The following FOXP1 variants were observed in gnomAD, a reference collection of about 807,000 sequenced individuals.
FOXP1 encodes the protein forkhead box P1, also known as forkhead box protein P1.
A neutral mutation model predicts 98.2 loss-of-function variants in FOXP1; 15 were observed. That is an observed-to-expected ratio of 0.15 (90% CI 0.10 to 0.24). The LOEUF (loss-of-function observed/expected upper bound fraction) is 0.24, where lower values mean the gene tolerates loss of function less well. Ranked by LOEUF, FOXP1 falls within the 10% of genes least tolerant of loss-of-function variation. The pLI, the probability that FOXP1 is intolerant of heterozygous loss-of-function variation, is 1.00. For missense variants in FOXP1, 633 were observed against 848.5 expected, an observed-to-expected ratio of 0.75 and a Z score of 3.15; for synonymous variants, 371 against 314.5, an observed-to-expected ratio of 1.18 and a Z score of -1.90.
At chr3:70,972,077 C>A in intron 18 of FOXP1, 1 of 1,518,462 alleles carries the variant, frequency 6.6e-7, no homozygotes, top group Non-Finnish European at 8.8e-7. Context: ...TTGAATATGG[C>A]GGCCACGTTT....
intron 2 of FOXP1, among the ~76,000 whole-genome samples, chr3:71,566,846 T>C (rs2046950757): frequency 6.6e-6 from 1 of 152,126 alleles, no homozygotes; most frequent in East Asian, 1.9e-4. Flanking sequence ...ATGAGAAGTG[T>C]CTCCTTGAGC....
At chr3:71,504,045 T>A (rs2041620761) in intron 2 of FOXP1, among the ~76,000 whole-genome samples, 1 of 152,190 alleles carries the variant, frequency 6.6e-6, no homozygotes, top group Non-Finnish European at 1.5e-5. Context: ...CCATCCCAGC[T>A]TTGCCAACAA....
rs55710900 is a variant in FOXP1 at position 71,416,547 on chromosome 3, A to AACACACAC, written c.-167-57311_-167-57304dup. On this transcript the variant is annotated intron_variant, in intron 3 of 20. Coordinates refer to ENST00000649528, the MANE Select transcript of FOXP1 (RefSeq NM_001349338.3). ...GCCACAGAACAAAACTCTGTCTCAA[A>AACACACAC]ACACACACACACACACACACACACA... Among the ~76,000 whole-genome samples, 38 of 136,852 alleles carry AACACACAC rather than the reference A, an allele frequency of 2.8e-4. 1 individual carries two copies. In the East Asian group the frequency reaches 2.9e-3, roughly 10 times the overall value. 89.8% of individuals were successfully genotyped at this position (136,852 alleles called of 152,430 possible).
At chr3:70,980,731 A>G (rs1255860600) in intron 14 of FOXP1, among the ~76,000 whole-genome samples, 1 of 152,218 alleles carries the variant, frequency 6.6e-6, no homozygotes, top group Non-Finnish European at 1.5e-5. Flanking sequence ...GTAACTGAGC[A>G]AATATAAGGC....
At chr3:71,067,411 T>A (rs1446908864) in intron 7 of FOXP1, among the ~76,000 whole-genome samples, 1 of 152,156 alleles carries the variant, frequency 6.6e-6, no homozygotes, top group Non-Finnish European at 1.5e-5. Flanking sequence ...GAAGACTTCG[T>A]TAAAACCATT....
intron 6 of FOXP1, among the ~76,000 whole-genome samples, chr3:71,162,456 C>A (rs1490410124): frequency 6.6e-6 from 1 of 152,176 alleles, no homozygotes; most frequent in African/African-American, 2.4e-5. Context: ...AAGGGGGAGC[C>A]AGTACCATTA....
chr3:71,416,526 C>A (rs977155086), intron 3 of FOXP1, among the ~76,000 whole-genome samples: 1 of 150,214 alleles, frequency 6.7e-6, no homozygotes, highest in South Asian at 2.1e-4. Flanking sequence ...GCCTGGGCCA[C>A]AGAACAAAAC....
intron 2 of FOXP1, among the ~76,000 whole-genome samples, chr3:71,578,302 G>T (rs778024617): frequency 5.3e-5 from 8 of 152,174 alleles, no homozygotes; most frequent in Non-Finnish European, 1.0e-4. Context: ...TTTCTTTAAT[G>T]TAAGTACCTT....
intron 5 of FOXP1, among the ~76,000 whole-genome samples, chr3:71,198,624 A>G (rs2063462135): frequency 6.6e-6 from 1 of 152,202 alleles, no homozygotes; most frequent in African/African-American, 2.4e-5. Flanking sequence ...TGTTTTAAAT[A>G]TATTACTTTT....
chr3:71,408,516 G>C (rs1002546351), intron 3 of FOXP1, among the ~76,000 whole-genome samples: 2 of 152,066 alleles, frequency 1.3e-5, no homozygotes, highest in African/African-American at 4.8e-5. Context: ...TTTTCTTCAA[G>C]AAAATATCAT....
intron 3 of FOXP1, among the ~76,000 whole-genome samples, chr3:71,397,980 G>A (rs2081661010): frequency 1.3e-5 from 2 of 152,086 alleles, no homozygotes; most frequent in Admixed American, 1.3e-4. Flanking sequence ...GAGAGAAGGG[G>A]AGAGGAAGGA....
intron 5 of FOXP1, among the ~76,000 whole-genome samples, chr3:71,251,809 A>T (rs1202412747): frequency 6.6e-6 from 1 of 152,192 alleles, no homozygotes; most frequent in East Asian, 1.9e-4. Flanking sequence ...TTGTATATGT[A>T]TCTCCTTTGT....
At position 71,482,996 on chromosome 3, in the gene FOXP1, C is replaced by T. The variant is rs190631803; in HGVS notation, c.-168+10430G>A. On this transcript the variant is annotated intron_variant, in intron 3 of 20. Coordinates refer to ENST00000649528, the MANE Select transcript of FOXP1 (RefSeq NM_001349338.3). ...GACTACAGGTGCAAGCTACCACATCCGGCTAATTTTTTTTCTTATTTTTTG... is the reference window on the plus strand; with the variant it reads ...GACTACAGGTGCAAGCTACCACATCTGGCTAATTTTTTTTCTTATTTTTTG... Among the ~76,000 whole-genome samples, 1,132 of 151,882 alleles carry T rather than the reference C, an allele frequency of 7.5e-3. 4 individuals carry two copies. Among genetic ancestry groups the T allele is most frequent in the Non-Finnish European group, 0.012 (798 of 67,928 alleles).
chr3:71,506,437 C>T (rs768699071), intron 2 of FOXP1, among the ~76,000 whole-genome samples: 49 of 152,276 alleles, frequency 3.2e-4, no homozygotes, highest in Middle Eastern at 6.8e-3. Flanking sequence ...CGCACACGCT[C>T]CCTACACTGG....
intron 4 of FOXP1, among the ~76,000 whole-genome samples, chr3:71,306,313 C>G (rs1437134996): frequency 6.6e-6 from 1 of 152,032 alleles, no homozygotes; most frequent in East Asian, 1.9e-4. Flanking sequence ...GGGGGGAGTG[C>G]TATTGTTGTA....
intron 5 of FOXP1, among the ~76,000 whole-genome samples, chr3:71,239,128 T>C (rs1255761544): frequency 2.6e-5 from 4 of 152,188 alleles, no homozygotes; most frequent in Non-Finnish European, 5.9e-5. Context: ...AATATGTGAT[T>C]GCATTTGAGC....
chr3:71,315,830 CTG>C (rs1399285701), intron 4 of FOXP1, among the ~76,000 whole-genome samples: 3 of 152,252 alleles, frequency 2.0e-5, no homozygotes, highest in African/African-American at 7.2e-5. Flanking sequence ...GTCCCACAGA[CTG>C]TGCCAGCCCA....
At chr3:71,394,568 T>C (rs2081249156) in intron 3 of FOXP1, among the ~76,000 whole-genome samples, 1 of 152,220 alleles carries the variant, frequency 6.6e-6, no homozygotes, top group Non-Finnish European at 1.5e-5. Flanking sequence ...GACATTTTAA[T>C]AGATAAGATG....
At chr3:71,077,499 TC>T (rs2053920745) in intron 7 of FOXP1, among the ~76,000 whole-genome samples, 1 of 152,162 alleles carries the variant, frequency 6.6e-6, no homozygotes, top group Non-Finnish European at 1.5e-5. Flanking sequence ...GGCAAAATTA[TC>T]CTTTTTAACA....
Sources: gnomAD v4.1 joint callset for allele counts (sites outside exome capture counted in the v4.1 genomes callset) on GRCh38, gnomAD v4.1.1 for gene constraint, MANE v1.5 for transcripts, NCBI Gene and HGNC (gene_info 2026-07-23, HGNC 2026-07-21) for gene names.